CA1: variants seen among roughly 807,000 people sequenced by gnomAD.
CA1 encodes carbonic anhydrase 1, also known as carbonate dehydratase I.
A neutral mutation model predicts 28.8 loss-of-function variants in CA1; 27 were observed. The ratio of observed to expected loss-of-function variants is 0.94; its 90% confidence interval spans 0.69 to 1.29. CA1 has a LOEUF of 1.29. Among genes scored for constraint, CA1 ranks in the 50% most tolerant of loss-of-function variants. The probability of loss-of-function intolerance (pLI) is 0.00; values close to 1 mark genes in which losing one functional copy is unlikely to be tolerated. For missense variants in CA1, 335 were observed against 310.5 expected (o/e 1.08, Z -0.59); for synonymous variants, 121 against 108.8 (o/e 1.11, Z -0.70).
intron 1 of CA1, among the ~76,000 whole-genome samples, chr8:85,370,929 C>T (rs1810198883): frequency 6.6e-6 from 1 of 152,116 alleles, no homozygotes; most frequent in Non-Finnish European, 1.5e-5. Context: ...ATTCTGGATA[C>T]TTCTAGGAAT....
chr8:85,352,540 A>T (rs187750365), intron 1 of CA1, among the ~76,000 whole-genome samples: 1 of 151,952 alleles, frequency 6.6e-6, no homozygotes, highest in Non-Finnish European at 1.5e-5. Context: ...CAGTTTTCCA[A>T]TCTAGACTGT....
chr8:85,354,657 C>T (rs725605), intron 1 of CA1, among the ~76,000 whole-genome samples: 89,709 of 151,970 alleles, frequency 0.59, 26,940 homozygotes, highest in African/African-American at 0.66. Flanking sequence ...GGGGAACCAG[C>T]TTCTGACTGA....
intron 1 of CA1, among the ~76,000 whole-genome samples, chr8:85,351,004 C>A (rs901009338): frequency 3.9e-5 from 6 of 152,188 alleles, no homozygotes; most frequent in African/African-American, 7.2e-5. Context: ...CTCATACAGT[C>A]CCCTGCAGAG....
intron 1 of CA1, among the ~76,000 whole-genome samples, chr8:85,342,379 T>G (rs1182663727): frequency 6.6e-6 from 1 of 152,202 alleles, no homozygotes; most frequent in Admixed American, 6.5e-5. Context: ...ATTATTTTAT[T>G]TCACCATCAC....
At chr8:85,363,052 G>A (rs1809859922) in intron 1 of CA1, among the ~76,000 whole-genome samples, 3 of 152,160 alleles carry the variant, frequency 2.0e-5, no homozygotes, top group Admixed American at 2.0e-4. Flanking sequence ...GTCTACATAG[G>A]TTTGCTTAGT....
chr8:85,370,379 C>G (rs1236896165), intron 1 of CA1, among the ~76,000 whole-genome samples: 2 of 152,108 alleles, frequency 1.3e-5, no homozygotes, highest in African/African-American at 2.4e-5. Context: ...GAAATTGAAT[C>G]AAAACCCTCT....
intron 1 of CA1, among the ~76,000 whole-genome samples, chr8:85,352,918 T>TA (rs1393821915): frequency 6.6e-6 from 1 of 152,116 alleles, no homozygotes; most frequent in Non-Finnish European, 1.5e-5. Context: ...CAGGACCTCT[T>TA]ACACCATCCT....
chr8:85,346,824 A>G (rs1405093453), intron 1 of CA1, among the ~76,000 whole-genome samples: 2 of 152,194 alleles, frequency 1.3e-5, no homozygotes, highest in Non-Finnish European at 1.5e-5. Context: ...AAGCCTCAAA[A>G]AAAAAAGAGT....
intron 1 of CA1, among the ~76,000 whole-genome samples, chr8:85,348,120 A>C (rs1809273326): frequency 6.6e-6 from 1 of 152,214 alleles, no homozygotes; most frequent in Non-Finnish European, 1.5e-5. Flanking sequence ...TTTAGGAAGA[A>C]TACTGAATTA....
At chr8:85,375,518 G>GAA (rs11297305) in intron 1 of CA1, among the ~76,000 whole-genome samples, 1 of 143,648 alleles carries the variant, frequency 7.0e-6, no homozygotes. Context: ...CTTTTCTTTT[G>GAA]AAAAAAAAAA....
At position 85,329,788 on chromosome 8, in the gene CA1, C is replaced by T. The variant is rs1166590328; in HGVS notation, c.570G>A (p.Leu190=). 1 of 1,604,026 alleles carries T rather than the reference C, an allele frequency of 6.2e-7. No homozygotes were observed. The highest frequency in any genetic ancestry group is 1.7e-5 in the Admixed American group (1 of 59,102). Residue 190 remains leucine, a synonymous_variant, in exon 7 of 8, where the codon CTG becomes CTA. Transcript: ENST00000523022. The part of the protein sequence containing the change: ...FDPSTLLPSS[L]DFWTYPGSLT... Reference sequence around the variant, plus strand: ...GAGAGCCAGGGTAGGTCCAGAAATCCAGGGATGAAGGAAGGAGAGTAGAGG... The same window carrying T: ...GAGAGCCAGGGTAGGTCCAGAAATCTAGGGATGAAGGAAGGAGAGTAGAGG...
intron 1 of CA1, among the ~76,000 whole-genome samples, chr8:85,349,048 G>C (rs1417159273): frequency 6.6e-6 from 1 of 152,070 alleles, no homozygotes; most frequent in East Asian, 1.9e-4. Context: ...CTAATAAATG[G>C]GGAAGGAATA....
intron 2 of CA1, among the ~76,000 whole-genome samples, 189 bp from the exon 3 acceptor site, chr8:85,338,638 TTCTTTC>T (rs1453758036): frequency 9.2e-5 from 1 of 10,886 alleles, no homozygotes; most frequent in African/African-American, 3.3e-4. Context: ...TTCTTTTTCT[TTCTTTC>T]TTTCTTTCTT....
intron 1 of CA1, among the ~76,000 whole-genome samples, chr8:85,348,241 A>G (rs1809278095): frequency 6.6e-6 from 1 of 152,198 alleles, no homozygotes; most frequent in South Asian, 2.1e-4. Context: ...AACTCCAGTG[A>G]ATAAATTTTT....
intron 3 of CA1, 139 bp downstream of exon 3, chr8:85,338,113 A>G: frequency 2.4e-6 from 2 of 847,790 alleles, no homozygotes; most frequent in South Asian, 1.4e-5. Flanking sequence ...CCAGAAGTCC[A>G]AGATGCCTCA....
chr8:85,353,799 A>G (rs983002482), intron 1 of CA1, among the ~76,000 whole-genome samples: 7 of 152,098 alleles, frequency 4.6e-5, no homozygotes, highest in African/African-American at 1.7e-4. Flanking sequence ...TGAATGGTAC[A>G]TTTCCTTGTA....
At chr8:85,370,239 A>G (rs1030977419) in intron 1 of CA1, among the ~76,000 whole-genome samples, 2 of 152,116 alleles carry the variant, frequency 1.3e-5, no homozygotes, top group Non-Finnish European at 2.9e-5. Context: ...TTTTTCCTTC[A>G]CTTTGACAGT....
At chr8:85,374,980 C>T (rs192228212) in intron 1 of CA1, among the ~76,000 whole-genome samples, 3 of 152,180 alleles carry the variant, frequency 2.0e-5, no homozygotes, top group Admixed American at 6.5e-5. Context: ...AATATGATGC[C>T]GTACAGTCAG....
chr8:85,344,310 A>T (rs1469174938), intron 1 of CA1, among the ~76,000 whole-genome samples: 2 of 21,740 alleles, frequency 9.2e-5, no homozygotes, highest in African/African-American at 2.7e-4. Flanking sequence ...ATAATTATAT[A>T]TTATACAGTA....
Sources: gnomAD v4.1 joint callset for allele counts (sites outside exome capture counted in the v4.1 genomes callset) on GRCh38, gnomAD v4.1.1 for gene constraint, MANE v1.5 for transcripts, NCBI Gene and HGNC (gene_info 2026-07-23, HGNC 2026-07-21) for gene names.